Variants in GRAMD2B observed in about 807,000 individuals in gnomAD.
GRAMD2B encodes the protein GRAM domain containing 2B.
In GRAMD2B, 41 loss-of-function variants were observed where a neutral mutation model predicts 59.2. That is an observed-to-expected ratio of 0.69 (90% confidence interval 0.54 to 0.90). GRAMD2B has a LOEUF of 0.90. Ranked by LOEUF, GRAMD2B falls within the 40% of genes least tolerant of loss-of-function variation. The pLI is 0.00. For missense variants in GRAMD2B, 424 were observed against 500.5 expected (o/e 0.85, Z 1.46); for synonymous variants, 161 against 182.7 (o/e 0.88, Z 0.96).
chr5:126,399,773 T>C (rs1269836501), intron 1 of GRAMD2B, among the ~76,000 whole-genome samples: 1 of 152,174 alleles, frequency 6.6e-6, no homozygotes, highest in Non-Finnish European at 1.5e-5. Flanking sequence ...TAAAATCTAT[T>C]TTTTTCTTCT....
intron 1 of GRAMD2B, among the ~76,000 whole-genome samples, chr5:126,464,507 A>C (rs898982973): frequency 1.3e-5 from 2 of 152,002 alleles, no homozygotes; most frequent in African/African-American, 4.8e-5. Flanking sequence ...GAGGGAACTC[A>C]CCTCTGCATC....
intron 3 of GRAMD2B, among the ~76,000 whole-genome samples, chr5:126,471,844 A>C (rs2126831522): frequency 6.6e-6 from 1 of 152,288 alleles, no homozygotes; most frequent in East Asian, 1.9e-4. Flanking sequence ...GGTTTACCTG[A>C]CTACAAAGCT....
rs1391461853 is a variant in GRAMD2B at position 126,469,922 on chromosome 5, GAACA to G, written c.315+139_315+142del. 6 of 625,392 alleles carry G rather than the reference GAACA, an allele frequency of 9.6e-6. No individual in the cohort carries two copies. In the African/African-American group the frequency reaches 1.1e-4, roughly 12 times the overall value. 38.7% of individuals were successfully genotyped at this position (625,392 alleles called of 1,614,324 possible). A position where few individuals can be genotyped will look rare whatever the true frequency, so the allele number is the denominator to read the frequency against. ...GGTATAGAGTTTAGAGAATTTAGAA[GAACA>G]AACAGGCAGCAGTTCCTCCAGTCCA... On this transcript the variant is annotated intron_variant, in intron 3 of 13. Coordinates refer to ENST00000285689, the MANE Select transcript of GRAMD2B (RefSeq NM_023927.4).
At chr5:126,384,501 C>T (rs1044749700) in intron 1 of GRAMD2B, among the ~76,000 whole-genome samples, 6 of 152,208 alleles carry the variant, frequency 3.9e-5, no homozygotes, top group African/African-American at 1.4e-4. Context: ...CAAATAGCCC[C>T]ATAAGGGCAG....
chr5:126,441,123 A>G (rs150810489), intron 1 of GRAMD2B, among the ~76,000 whole-genome samples: 1 of 152,190 alleles, frequency 6.6e-6, no homozygotes, highest in African/African-American at 2.4e-5. Flanking sequence ...ATGAGCGTGT[A>G]TTATGGCAGA....
At chr5:126,454,538 G>T (rs959727633) in intron 1 of GRAMD2B, among the ~76,000 whole-genome samples, 2 of 152,138 alleles carry the variant, frequency 1.3e-5, no homozygotes, top group Non-Finnish European at 2.9e-5. Context: ...TTGCTTTTTG[G>T]AGTTATATGA....
Position 126,410,822 on chromosome 5 carries a change from G to A in GRAMD2B, c.125+39255G>A, listed in dbSNP as rs983825537. 3.3e-5 allele frequency among the ~76,000 whole-genome samples: 5 copies of A among 151,904 alleles called. No individual in the cohort carries two copies. The South Asian group carries it at 6.2e-4, about 19-fold the overall frequency. On this transcript the variant is annotated intron_variant, in intron 1 of 8. Transcript: ENST00000506445. ...ATAACCATTCCAACTGGTATGATACGGTATCTTCTTGTGGTTTTGATTTGC... is the reference window on the plus strand; with the variant it reads ...ATAACCATTCCAACTGGTATGATACAGTATCTTCTTGTGGTTTTGATTTGC...
At chr5:126,453,978 A>G (rs1031803510) in intron 1 of GRAMD2B, among the ~76,000 whole-genome samples, 2 of 152,238 alleles carry the variant, frequency 1.3e-5, no homozygotes, top group Non-Finnish European at 2.9e-5. Context: ...TATTGATAAT[A>G]AAGAGATGGA....
intron 13 of GRAMD2B, 38 bp downstream of exon 13, chr5:126,488,930 G>A (rs766446463): frequency 2.0e-6 from 3 of 1,472,336 alleles, no homozygotes; most frequent in Admixed American, 1.7e-5. Context: ...GGCAGTCACA[G>A]TAGTGCCTGT....
intron 5 of GRAMD2B, among the ~76,000 whole-genome samples, chr5:126,475,132 T>C (rs1003314461): frequency 6.6e-6 from 1 of 152,252 alleles, no homozygotes; most frequent in Non-Finnish European, 1.5e-5. Context: ...TGGAAAAATA[T>C]TAATAAAGTA....
At chr5:126,367,342 C>A (rs1223749782), upstream of GRAMD2B, among the ~76,000 whole-genome samples, 1 of 151,870 alleles carries the variant, frequency 6.6e-6, no homozygotes, top group Non-Finnish European at 1.5e-5. Flanking sequence ...TATTCCATGG[C>A]TCTGGAAAAC....
intron 1 of GRAMD2B, among the ~76,000 whole-genome samples, chr5:126,426,193 A>G (rs1290714339): frequency 6.6e-6 from 1 of 152,170 alleles, no homozygotes; most frequent in African/African-American, 2.4e-5. Context: ...ATAAAATTCA[A>G]AAAAAGAAGT....
chr5:126,461,573 G>A (rs988881018), intron 1 of GRAMD2B, among the ~76,000 whole-genome samples: 2 of 152,314 alleles, frequency 1.3e-5, no homozygotes, highest in South Asian at 4.1e-4. Context: ...GCCGAAGCAG[G>A]TGGATCACTT....
chr5:126,485,843 A>G (rs866957816), intron 11 of GRAMD2B, 70 bp downstream of exon 11: 12 of 895,184 alleles, frequency 1.3e-5, no homozygotes, highest in Middle Eastern at 6.5e-4. Flanking sequence ...ATCTCTTCAC[A>G]CTGCCAAGAC....
intron 1 of GRAMD2B, among the ~76,000 whole-genome samples, chr5:126,438,420 G>A (rs986588485): frequency 6.6e-5 from 10 of 152,296 alleles, no homozygotes; most frequent in African/African-American, 2.2e-4. Flanking sequence ...TCTGAAAGTG[G>A]AGGAATGAAT....
rs1048808785 is a variant in GRAMD2B, at chr5:126,472,270, T to C, written c.348T>C (p.Phe116=). The change falls in exon 4 of 14, where the codon TTT becomes TTC. Residue 116 remains phenylalanine (F), a synonymous_variant. Transcript: ENST00000285689. ...YKANMHFHKL[F]LSVPTEEPLK... ...CCAATATGCACTTTCACAAGTTGTT[T>C]CTTAGTGTCCCAACGGAGGAACCAC... 1 of 1,614,098 alleles carries C rather than the reference T, an allele frequency of 6.2e-7. No individual in the cohort carries two copies. Among genetic ancestry groups the C allele is most frequent in the Non-Finnish European group, 8.5e-7 (1 of 1,179,920 alleles).
At chr5:126,469,568 G>T in intron 2 of GRAMD2B, 109 bp from the exon 3 acceptor site, 1 of 725,326 alleles carries the variant, frequency 1.4e-6, no homozygotes, top group Non-Finnish European at 2.4e-6. Context: ...CCTGGACGGG[G>T]AGGTTGCAGT....
intron 1 of GRAMD2B, among the ~76,000 whole-genome samples, chr5:126,412,044 A>G (rs543352694): frequency 6.6e-6 from 1 of 152,150 alleles, no homozygotes; most frequent in South Asian, 2.1e-4. Flanking sequence ...ATAGAATTAT[A>G]TCATCAGCAA....
intron 1 of GRAMD2B, among the ~76,000 whole-genome samples, chr5:126,363,718 T>G (rs1048203800): frequency 6.6e-6 from 1 of 152,162 alleles, no homozygotes; most frequent in African/African-American, 2.4e-5. Context: ...ATGTCCAGAA[T>G]AGGTACTTTT....
Sources: gnomAD v4.1 joint callset for allele counts (sites outside exome capture counted in the v4.1 genomes callset) on GRCh38, gnomAD v4.1.1 for gene constraint, MANE v1.5 for transcripts, NCBI Gene and HGNC (gene_info 2026-07-23, HGNC 2026-07-21) for gene names.